The following RNGTT variants were observed in gnomAD, a reference collection of about 807,000 sequenced individuals.
RNGTT encodes mRNA-capping enzyme.
Under a neutral mutation model 79.3 loss-of-function variants are expected in RNGTT, and 33 were observed. The observed-to-expected ratio is 0.42, with a 90% CI of 0.32 to 0.56. RNGTT has a LOEUF of 0.56. RNGTT is among the 20% of genes least tolerant of loss of function. The probability of loss-of-function intolerance (pLI) is 0.17; values close to 1 mark genes in which losing one functional copy is unlikely to be tolerated. For missense variants in RNGTT, 497 were observed against 739.1 expected, an observed-to-expected ratio of 0.67 and a Z score of 3.80; for synonymous variants, 222 against 235.9, an observed-to-expected ratio of 0.94 and a Z score of 0.54.
chr6:88,658,404 GA>G, intron 14 of RNGTT, among the ~76,000 whole-genome samples: 1 of 152,224 alleles, frequency 6.6e-6, no homozygotes, highest in Non-Finnish European at 1.5e-5. Flanking sequence ...AAGATCTGAA[GA>G]TGGTTCACAT....
chr6:88,840,415 G>T (rs1202468544), intron 11 of RNGTT, among the ~76,000 whole-genome samples: 1 of 152,050 alleles, frequency 6.6e-6, no homozygotes, highest in Admixed American at 6.6e-5. Context: ...TATTTATTTC[G>T]AGACAGTGTC....
At chr6:88,643,747 T>A (rs1773416947) in intron 14 of RNGTT, among the ~76,000 whole-genome samples, 1 of 152,158 alleles carries the variant, frequency 6.6e-6, no homozygotes, top group Non-Finnish European at 1.5e-5. Context: ...TGCTCCTGAA[T>A]GACTACTGGG....
intron 1 of RNGTT, among the ~76,000 whole-genome samples, chr6:88,961,761 A>G (rs139930704): frequency 6.6e-6 from 1 of 152,370 alleles, no homozygotes; most frequent in African/African-American, 2.4e-5. Flanking sequence ...TTCTTAAAAC[A>G]TACACCTACC....
At chr6:88,868,654 T>C (rs1782254986) in intron 8 of RNGTT, among the ~76,000 whole-genome samples, 1 of 152,190 alleles carries the variant, frequency 6.6e-6, no homozygotes, top group African/African-American at 2.4e-5. Context: ...TTTTGACCTA[T>C]TTTAGGGCAT....
chr6:88,754,884 C>T (rs762999863), intron 13 of RNGTT, among the ~76,000 whole-genome samples: 1 of 152,180 alleles, frequency 6.6e-6, no homozygotes, highest in Non-Finnish European at 1.5e-5. Flanking sequence ...AATCTATAAT[C>T]TATAGAAACA....
At chr6:88,840,033 CA>C (rs1781215162) in intron 11 of RNGTT, among the ~76,000 whole-genome samples, 1 of 152,066 alleles carries the variant, frequency 6.6e-6, no homozygotes, top group African/African-American at 2.4e-5. Context: ...TATTTTTCTA[CA>C]AAATTAGTAT....
At chr6:88,628,552 T>C (rs147556632) in intron 14 of RNGTT, among the ~76,000 whole-genome samples, 30 of 152,282 alleles carry the variant, frequency 2.0e-4, no homozygotes, top group Admixed American at 1.9e-3. Context: ...ATAGCCAATA[T>C]ATTTATATTC....
rs557706862 is a variant in RNGTT at position 88,847,744 on chromosome 6, GA to G, written c.1104+2010del. On this transcript the variant is annotated intron_variant, in intron 10 of 15. Coordinates refer to ENST00000369485, the MANE Select transcript of RNGTT (RefSeq NM_003800.5). ...ACAAAACAAAAAGTATAATATTTGG[GA>G]AGGTCTGATGAGATTGACTTTATTA... Among the ~76,000 whole-genome samples, 159 of 152,032 alleles carry G rather than the reference GA, an allele frequency of 1.0e-3. 1 individual carries two copies. The highest frequency in any genetic ancestry group is 1.8e-3 in the Admixed American group (27 of 15,270).
chr6:88,827,433 G>T lies in RNGTT; in HGVS notation c.1269+16924C>A, dbSNP rs181559615. Among the ~76,000 whole-genome samples the T allele has an allele frequency of 3.5e-3, 526 of 152,254 alleles. 3 individuals are homozygous for T. Among genetic ancestry groups the T allele is most frequent in the Non-Finnish European group, 6.6e-3 (451 of 68,020 alleles). Reference sequence around the variant, plus strand: ...TCCCTCGGATGCCTACGCCACCAGGGCCCTGGGTTTCAAGCACAAAACTAG... The same window carrying T: ...TCCCTCGGATGCCTACGCCACCAGGTCCCTGGGTTTCAAGCACAAAACTAG... On this transcript the variant is annotated intron_variant, in intron 11 of 15. Coordinates refer to ENST00000369485, the MANE Select transcript of RNGTT (RefSeq NM_003800.5).
chr6:88,810,055 C>CA (rs1047775201), intron 11 of RNGTT, among the ~76,000 whole-genome samples: 2 of 149,662 alleles, frequency 1.3e-5, no homozygotes, highest in Non-Finnish European at 3.0e-5. Flanking sequence ...CTAACAAAAG[C>CA]AAAAAAAAAT....
chr6:88,661,320 C>A (rs1033782649), intron 14 of RNGTT, among the ~76,000 whole-genome samples: 4 of 151,836 alleles, frequency 2.6e-5, no homozygotes, highest in African/African-American at 9.7e-5. Flanking sequence ...AAGATCAGAG[C>A]AGAACTAAAC....
At chr6:88,910,344 C>T (rs139669143) in intron 4 of RNGTT, among the ~76,000 whole-genome samples, 15 of 152,226 alleles carry the variant, frequency 9.9e-5, no homozygotes, top group African/African-American at 3.1e-4. Flanking sequence ...ATCTTAACAA[C>T]CGGCCTTATA....
chr6:88,747,455 A>G (rs1006923405), intron 13 of RNGTT, among the ~76,000 whole-genome samples: 17 of 152,202 alleles, frequency 1.1e-4, no homozygotes, highest in Non-Finnish European at 1.9e-4. Flanking sequence ...GGAGTTTATT[A>G]TAAGAGTTAG....
At chr6:88,848,376 C>G (rs1003549970) in intron 10 of RNGTT, among the ~76,000 whole-genome samples, 6 of 151,836 alleles carry the variant, frequency 4.0e-5, no homozygotes, top group African/African-American at 1.2e-4. Flanking sequence ...AACAACTGTC[C>G]TAGCGAAATT....
intron 11 of RNGTT, among the ~76,000 whole-genome samples, chr6:88,816,382 A>G (rs1345711138): frequency 6.6e-6 from 1 of 152,194 alleles, no homozygotes; most frequent in Non-Finnish European, 1.5e-5. Context: ...GGGGACATAT[A>G]TGTGCACTTA....
chr6:88,829,069 C>T (rs1780761796), intron 11 of RNGTT, among the ~76,000 whole-genome samples: 1 of 151,990 alleles, frequency 6.6e-6, no homozygotes, highest in East Asian at 1.9e-4. Context: ...AAGAGCAACC[C>T]CAAGACATAT....
intron 14 of RNGTT, among the ~76,000 whole-genome samples, chr6:88,625,193 C>T (rs1582247211): frequency 6.6e-6 from 1 of 151,952 alleles, no homozygotes; most frequent in African/African-American, 2.4e-5. Context: ...GTCAAACATA[C>T]ATTTACCATA....
chr6:88,804,496 A>G (rs537442731), intron 11 of RNGTT, among the ~76,000 whole-genome samples: 3 of 152,206 alleles, frequency 2.0e-5, no homozygotes, highest in Non-Finnish European at 4.4e-5. Flanking sequence ...CAAAAATTTT[A>G]TAGACTTTAA....
intron 13 of RNGTT, among the ~76,000 whole-genome samples, chr6:88,690,171 T>C (rs959709328): frequency 2.6e-5 from 4 of 152,148 alleles, no homozygotes; most frequent in African/African-American, 4.8e-5. Context: ...CTAAATGTAA[T>C]ATAGGATCTT....
Sources: allele counts gnomAD v4.1 joint callset (sites outside exome capture counted in the v4.1 genomes callset), GRCh38; gene constraint gnomAD v4.1.1; transcripts MANE v1.5; gene names NCBI Gene and HGNC (gene_info 2026-07-23, HGNC 2026-07-21).